Variants in CD33 observed in about 807,000 individuals in gnomAD.
CD33 encodes the protein myeloid cell surface antigen CD33.
A neutral mutation model predicts 31.4 loss-of-function variants in CD33; 25 were observed. The ratio of observed to expected loss-of-function variants is 0.80; its 90% CI spans 0.58 to 1.11. The LOEUF (loss-of-function observed/expected upper bound fraction) is 1.11, where lower values mean the gene tolerates loss of function less well. Ranked by LOEUF, CD33 falls within the 50% of genes most tolerant of loss-of-function variation. The probability of loss-of-function intolerance (pLI) is 0.00; values close to 1 mark genes in which losing one functional copy is unlikely to be tolerated. For synonymous variants in CD33, 176 were observed against 180.6 expected, an observed-to-expected ratio of 0.97 and a Z score of 0.20; for missense variants, 407 against 448.1, an observed-to-expected ratio of 0.91 and a Z score of 0.83.
At position 51,239,870 on chromosome 19, in the gene CD33, G is replaced by A; in HGVS notation, c.*182G>A. 1 of 462,386 alleles carries A rather than the reference G, an allele frequency of 2.2e-6. No homozygotes were observed. Among genetic ancestry groups the A allele is most frequent in the South Asian group, 4.5e-5 (1 of 22,338 alleles). 28.6% of individuals were successfully genotyped at this position (462,386 alleles called of 1,614,324 possible). ...AGCAGAGAGTCGTGGAATCAAATCT[G>A]TGCTCTTTCATTTGCTAAGTGTATG... On this transcript the variant is annotated 3_prime_UTR_variant, in exon 7 of 7. Transcript: ENST00000262262.
At chr19:51,220,658 T>C (rs558333181), upstream of CD33, among the ~76,000 whole-genome samples, 3 of 152,322 alleles carry the variant, frequency 2.0e-5, no homozygotes, top group South Asian at 4.1e-4. Context: ...AGAATACCTA[T>C]AAAGTAACAA....
chr19:51,224,373 T>C (rs1980838669), upstream of CD33, among the ~76,000 whole-genome samples: 1 of 152,140 alleles, frequency 6.6e-6, no homozygotes, highest in South Asian at 2.1e-4. Context: ...GAGGGTGAAG[T>C]TTGGCAGTAA....
rs1599782496 is a variant in CD33, at chr19:51,239,687, G to A, written c.1094G>A (p.Ter365=). The part of the protein sequence containing the change: ...STEYSEVRTQ[*] ...GAATACTCAGAGGTCAGGACCCAGT[G>A]AGGAACCCACAAGAGCATCAGGCTC... The change falls in exon 7 of 7, where the codon TGA becomes TAA. Residue 365 remains the stop codon, a stop_retained_variant. Transcript: ENST00000262262. 6.2e-7 allele frequency: 1 copy of A among 1,607,488 alleles called. No individual in the cohort carries two copies. Among genetic ancestry groups the A allele is most frequent in the Non-Finnish European group, 8.5e-7 (1 of 1,177,402 alleles).
intron 3 of CD33, 26 bp from the exon 4 acceptor site, chr19:51,226,283 A>C: frequency 6.2e-7 from 1 of 1,610,472 alleles, no homozygotes; most frequent in South Asian, 1.1e-5. Flanking sequence ...CCCCCAACTG[A>C]AGGAAATCCT....
At chr19:51,234,289 C>A (rs1981626723) in intron 4 of CD33, among the ~76,000 whole-genome samples, 1 of 152,120 alleles carries the variant, frequency 6.6e-6, no homozygotes, top group South Asian at 2.1e-4. Context: ...ATATCATTGT[C>A]ACCTGAAGCC....
chr19:51,222,602 T>A (rs547724741), upstream of CD33, among the ~76,000 whole-genome samples: 128 of 152,330 alleles, frequency 8.4e-4, no homozygotes, highest in Admixed American at 3.5e-3. Context: ...TGCTGGGTCA[T>A]AGGATACAGA....
chr19:51,228,513 T>G (rs1003742448), intron 4 of CD33, among the ~76,000 whole-genome samples: 1 of 152,248 alleles, frequency 6.6e-6, no homozygotes, highest in African/African-American at 2.4e-5. Context: ...TTCATTCTCT[T>G]ATAGCTATTG....
At chr19:51,234,921 C>T (rs1368062781) in intron 4 of CD33, among the ~76,000 whole-genome samples, 2 of 152,120 alleles carry the variant, frequency 1.3e-5, no homozygotes, top group African/African-American at 4.8e-5. Context: ...GAACCTGAGT[C>T]CTAGGAGAGA....
At chr19:51,228,021 G>C (rs2123215968) in intron 4 of CD33, among the ~76,000 whole-genome samples, 1 of 152,202 alleles carries the variant, frequency 6.6e-6, no homozygotes, top group East Asian at 1.9e-4. Flanking sequence ...AAATTCAGTT[G>C]GCTGTAGATC....
chr19:51,214,185 T>C, the CD33 span, among the ~76,000 whole-genome samples: 1 of 148,670 alleles, frequency 6.7e-6, no homozygotes, highest in Non-Finnish European at 1.5e-5. Flanking sequence ...TTTTTTTTTT[T>C]TTGTTTCTTT....
Position 51,225,849 on chromosome 19 carries a change from C to A in CD33, c.465C>A (p.Pro155=). The part of the protein sequence containing the change: ...PKILIPGTLE[P]GHSKNLTCSV... ...TCCTCATCCCTGGCACTCTAGAACC[C>A]GGCCACTCCAAAAACCTGACCTGCT... Residue 155 remains proline (P), a synonymous_variant, in exon 3 of 7, where the codon CCC becomes CCA. Transcript: ENST00000262262. 1 of 1,538,682 alleles carries A rather than the reference C, an allele frequency of 6.5e-7. No homozygotes were observed. Among genetic ancestry groups the A allele is most frequent in the Non-Finnish European group, 9.0e-7 (1 of 1,110,876 alleles).
rs1982046310 is a variant in CD33, at chr19:51,239,743, G to A, written c.*55G>A. 6.1e-6 allele frequency: 9 copies of A among 1,464,560 alleles called. No homozygotes were observed. Among genetic ancestry groups the A allele is most frequent in the African/African-American group, 1.4e-5 (1 of 70,506 alleles). 90.7% of individuals were successfully genotyped at this position (1,464,560 alleles called of 1,614,324 possible). On this transcript the variant is annotated 3_prime_UTR_variant, in exon 7 of 7. Coordinates refer to ENST00000262262, the MANE Select transcript of CD33 (RefSeq NM_001772.4). ...GAAGATCCACATCCTCTACAGGTCG[G>A]GGACCAAAGGCTGATTCTTGGAGAT...
In CD33 at chr19:51,225,267, G is replaced by A. The variant is rs756350153; in HGVS notation, c.87G>A (p.Val29=). 6.2e-7 allele frequency: 1 copy of A among 1,613,964 alleles called. No individual in the cohort carries two copies. Among genetic ancestry groups the A allele is most frequent in the Non-Finnish European group, 8.5e-7 (1 of 1,179,956 alleles). Residue 29 remains valine, a synonymous_variant, in exon 2 of 7, where the codon GTG becomes GTA. Coordinates refer to ENST00000262262, the MANE Select transcript of CD33 (RefSeq NM_001772.4). Reference sequence around the variant, plus strand: ...TCTGGCTGCAAGTGCAGGAGTCAGTGACGGTACAGGAGGGTTTGTGCGTCC... The same window carrying A: ...TCTGGCTGCAAGTGCAGGAGTCAGTAACGGTACAGGAGGGTTTGTGCGTCC... ...PNFWLQVQES[V]TVQEGLCVLV...
chr19:51,221,975 A>C (rs1357087706), upstream of CD33, among the ~76,000 whole-genome samples: 1 of 152,204 alleles, frequency 6.6e-6, no homozygotes, highest in Non-Finnish European at 1.5e-5. Context: ...AGGGATGGAA[A>C]ACATATCAGC....
chr19:51,235,302 A>T, intron 5 of CD33, 49 bp downstream of exon 5: 1 of 1,547,276 alleles, frequency 6.5e-7, no homozygotes, highest in Non-Finnish European at 8.9e-7. Flanking sequence ...AAGAGGATGG[A>T]CCTGGTGTAG....
chr19:51,233,595 T>C (rs1981574312), intron 4 of CD33, among the ~76,000 whole-genome samples: 1 of 152,186 alleles, frequency 6.6e-6, no homozygotes, highest in Non-Finnish European at 1.5e-5. Flanking sequence ...AGGGGCTGGT[T>C]AGGGAGTTGG....
At position 51,225,965 on chromosome 19, in the gene CD33, C is replaced by A. The variant is rs1980990032; in HGVS notation, c.581C>A (p.Ser194Tyr). 2 of 1,614,036 alleles carry A rather than the reference C, an allele frequency of 1.2e-6. No individual in the cohort carries two copies. Among genetic ancestry groups the A allele is most frequent in the Admixed American group, 1.7e-5 (1 of 59,998 alleles). ...PTSLGPRTTH[S>Y]SVLIITPRPQ... ...TCCCTGGGCCCCAGGACTACTCACT[C>A]CTCGGTGCTCATAATCACCCCACGG... The change falls in exon 3 of 7, where the codon TCC (serine) becomes TAC (tyrosine). Residue 194 changes from serine (S) to tyrosine (Y), a missense_variant. Ser to Tyr is a moderately radical substitution (Grantham distance 144, BLOSUM62 -2). Coordinates refer to ENST00000262262, the MANE Select transcript of CD33 (RefSeq NM_001772.4).
At chr19:51,211,476 C>T in the CD33 span, 1 of 1,565,922 alleles carries the variant, frequency 6.4e-7, no homozygotes, top group Non-Finnish European at 8.6e-7. Context: ...ACAACTGCTC[C>T]CTGAGCATCG....
rs1289963131 is a variant in CD33 at position 51,227,823 on chromosome 19, GT to G, written c.745+1474del. ...CAATGTCCTAAAGCATTTCCCCTATGTTTTTTTCTAGTATTTTTTAAATTTT... is the reference window on the plus strand; with the variant it reads ...CAATGTCCTAAAGCATTTCCCCTATGTTTTTTCTAGTATTTTTTAAATTTT... On this transcript the variant is annotated intron_variant, in intron 4 of 6. Transcript: ENST00000262262. 2.0e-5 allele frequency among the ~76,000 whole-genome samples: 3 copies of G among 151,866 alleles called. No individual in the cohort carries two copies. In the South Asian group the frequency reaches 6.2e-4, roughly 32 times the overall value.
Sources: allele counts gnomAD v4.1 joint callset (sites outside exome capture counted in the v4.1 genomes callset), GRCh38; gene constraint gnomAD v4.1.1; transcripts MANE v1.5; gene names NCBI Gene and HGNC (gene_info 2026-07-23, HGNC 2026-07-21).